Variants in DIAPH3 observed in about 807,000 individuals in gnomAD.
The protein encoded by DIAPH3 is protein diaphanous homolog 3.
Under a neutral mutation model 144.3 loss-of-function variants are expected in DIAPH3, and 117 were observed. That is an observed-to-expected ratio of 0.81 (90% CI 0.70 to 0.95). The LOEUF is 0.95. DIAPH3 is among the 40% of genes least tolerant of loss of function. The pLI is 0.00. For missense variants in DIAPH3, 1,421 were observed against 1,412.7 expected (o/e 1.01, Z -0.09); for synonymous variants, 519 against 488.9 (o/e 1.06, Z -0.81).
intron 3 of DIAPH3, among the ~76,000 whole-genome samples, chr13:60,104,969 A>G (rs1478117301): frequency 1.3e-5 from 2 of 151,748 alleles, no homozygotes; most frequent in African/African-American, 4.8e-5. Context: ...GGTGGCGGGC[A>G]CCTGTAGTCC....
intron 1 of DIAPH3, among the ~76,000 whole-genome samples, chr13:60,141,854 G>C (rs2059430313): frequency 6.6e-6 from 1 of 152,230 alleles, no homozygotes; most frequent in Admixed American, 6.5e-5. Context: ...TTTGCAGGTT[G>C]CAATTTTAAA....
chr13:59,988,120 A>C (rs906047936), intron 12 of DIAPH3, among the ~76,000 whole-genome samples: 1 of 151,890 alleles, frequency 6.6e-6, no homozygotes, highest in African/African-American at 2.4e-5. Flanking sequence ...ACTACAGCTT[A>C]ACACTAGCAA....
In DIAPH3 at chr13:59,971,100, C is replaced by T. The variant is rs2050344877; in HGVS notation, c.1711G>A (p.Gly571Ser). Residue 571 changes from glycine to serine, a missense_variant, in exon 16 of 28, where the codon GGC (glycine) becomes AGC (serine). Transcript: ENST00000400324. ...GGCGGAGGAGGAAGTGCTGAGTGGCCAGTTCCACCTTCTTTAGAGGGAGGC... is the reference window on the plus strand; with the variant it reads ...GGCGGAGGAGGAAGTGCTGAGTGGCTAGTTCCACCTTCTTTAGAGGGAGGC... The part of the protein sequence containing the change: ...PLPPSKEGGT[G>S]HSALPPPPPL... 6.2e-7 allele frequency: 1 copy of T among 1,610,894 alleles called. No individual in the cohort carries two copies.
At chr13:59,736,237 G>A (rs1047390500) in intron 27 of DIAPH3, among the ~76,000 whole-genome samples, 1 of 152,182 alleles carries the variant, frequency 6.6e-6, no homozygotes, top group African/African-American at 2.4e-5. Context: ...TTGTGAAAGA[G>A]TGCTGCAATG....
At chr13:60,042,619 G>GA (rs1318512794) in intron 5 of DIAPH3, 71 bp downstream of exon 5, 3 of 1,590,918 alleles carry the variant, frequency 1.9e-6, no homozygotes, top group Non-Finnish European at 1.7e-6. Context: ...CAGGCAAAAT[G>GA]AAAAAAAGTA....
In DIAPH3 at chr13:59,681,955, G is replaced by T. The variant is rs117615700; in HGVS notation, c.3320-15109C>A. ...CTATATCAGTACAATGAACCAAAAA[G>T]AAACTATGAGACACTTCATTTTTAC... On this transcript the variant is annotated intron_variant, in intron 27 of 27. Coordinates refer to ENST00000400324, the MANE Select transcript of DIAPH3 (RefSeq NM_001042517.2). 1.7e-3 allele frequency among the ~76,000 whole-genome samples: 258 copies of T among 152,234 alleles called. 1 individual carries two copies. The highest frequency in any genetic ancestry group is 2.5e-3 in the Non-Finnish European group (172 of 68,004).
intron 27 of DIAPH3, among the ~76,000 whole-genome samples, chr13:59,676,193 C>T (rs892062488): frequency 4.6e-5 from 7 of 152,150 alleles, no homozygotes; most frequent in Admixed American, 6.5e-5. Context: ...AGCCAATGCT[C>T]GAATTACATT....
At chr13:59,814,272 C>T (rs1392005197) in intron 24 of DIAPH3, among the ~76,000 whole-genome samples, 2 of 152,052 alleles carry the variant, frequency 1.3e-5, no homozygotes, top group Non-Finnish European at 2.9e-5. Flanking sequence ...AATTACTTTT[C>T]CAAGACCTAT....
chr13:59,666,320 T>G lies in DIAPH3; in HGVS notation c.*264A>C, dbSNP rs1188453748. ...TGCTCTCTAAAGCAATATGTATAAT[T>G]TAACCACCAAATAAAGAACTGAGGA... On this transcript the variant is annotated 3_prime_UTR_variant, in exon 28 of 28. Transcript: ENST00000400324. 1 of 392,438 alleles carries G rather than the reference T, an allele frequency of 2.5e-6. No individual in the cohort carries two copies. The highest frequency in any genetic ancestry group is 2.2e-5 in the African/African-American group (1 of 45,218). The allele number at this position is 392,438 out of a possible 1,614,324, so 24.3% of individuals were successfully genotyped here.
At chr13:59,938,385 T>C (rs1217625964) in intron 17 of DIAPH3, among the ~76,000 whole-genome samples, 1 of 151,746 alleles carries the variant, frequency 6.6e-6, no homozygotes, top group Non-Finnish European at 1.5e-5. Flanking sequence ...AAGGCTGGAG[T>C]ATTGCTTGAG....
chr13:59,892,676 C>G (rs340224), intron 20 of DIAPH3, among the ~76,000 whole-genome samples: 1 of 151,696 alleles, frequency 6.6e-6, no homozygotes, highest in Non-Finnish European at 1.5e-5. Context: ...AAAGATAACA[C>G]AGACTCATTA....
At chr13:60,111,810 A>C (rs1036321460) in intron 3 of DIAPH3, among the ~76,000 whole-genome samples, 200 bp downstream of exon 3, 1 of 152,174 alleles carries the variant, frequency 6.6e-6, no homozygotes, top group Non-Finnish European at 1.5e-5. Context: ...CTCTTTACAA[A>C]ACCAAAACCT....
intron 17 of DIAPH3, among the ~76,000 whole-genome samples, chr13:59,944,454 C>T (rs2048698850): frequency 6.6e-6 from 1 of 152,170 alleles, no homozygotes; most frequent in East Asian, 1.9e-4. Context: ...AATAAGTTTT[C>T]CATACAGTGT....
intron 4 of DIAPH3, among the ~76,000 whole-genome samples, chr13:60,049,477 G>A (rs781158200): frequency 7.9e-5 from 12 of 152,000 alleles, no homozygotes; most frequent in Admixed American, 1.3e-4. Context: ...GACACCCTCC[G>A]CCCTTATCCA....
chr13:60,052,904 T>C (rs925921889), intron 4 of DIAPH3, among the ~76,000 whole-genome samples: 3 of 129,750 alleles, frequency 2.3e-5, no homozygotes, highest in Non-Finnish European at 4.6e-5. Context: ...GAGATTGTAG[T>C]GAGCTGAGAT....
At chr13:59,859,103 T>C (rs1161653888) in intron 22 of DIAPH3, among the ~76,000 whole-genome samples, 1 of 152,166 alleles carries the variant, frequency 6.6e-6, no homozygotes, top group African/African-American at 2.4e-5. Flanking sequence ...ATTCAAAATA[T>C]TACATTTTCT....
At chr13:59,917,004 A>G (rs1027284893) in intron 18 of DIAPH3, among the ~76,000 whole-genome samples, 2 of 152,200 alleles carry the variant, frequency 1.3e-5, no homozygotes, top group Non-Finnish European at 2.9e-5. Context: ...CGCTTTTGCT[A>G]GTTCAACCCT....
At chr13:60,154,762 G>T (rs1235894263) in intron 1 of DIAPH3, among the ~76,000 whole-genome samples, 1 of 152,108 alleles carries the variant, frequency 6.6e-6, no homozygotes, top group Non-Finnish European at 1.5e-5. Context: ...TGAAGTAAAA[G>T]GTTATGCTTA....
chr13:59,743,706 G>A (rs953692744), intron 27 of DIAPH3, among the ~76,000 whole-genome samples: 2 of 152,084 alleles, frequency 1.3e-5, no homozygotes, highest in Admixed American at 6.6e-5. Flanking sequence ...CTTTTTCAGA[G>A]TTATATGGGA....
Sources: allele counts gnomAD v4.1 joint callset (sites outside exome capture counted in the v4.1 genomes callset), GRCh38; gene constraint gnomAD v4.1.1; transcripts MANE v1.5; gene names NCBI Gene and HGNC (gene_info 2026-07-23, HGNC 2026-07-21).